Variants in JAZF1 observed in about 807,000 individuals in gnomAD.
JAZF1 encodes the protein JAZF zinc finger 1, also known as juxtaposed with another zinc finger protein 1.
JAZF1 carries 8 observed loss-of-function variants against 26.4 expected under a neutral mutation model. The observed-to-expected ratio is 0.30, with a 90% CI of 0.18 to 0.55. JAZF1 has a LOEUF of 0.55. JAZF1 is among the 20% of genes least tolerant of loss of function. The pLI is 0.94. For missense variants in JAZF1, 199 were observed against 322.0 expected, an observed-to-expected ratio of 0.62 and a Z score of 2.92; for synonymous variants, 126 against 122.3, an observed-to-expected ratio of 1.03 and a Z score of -0.20.
intron 1 of JAZF1, among the ~76,000 whole-genome samples, chr7:28,001,297 A>G (rs978239438): frequency 1.3e-5 from 2 of 152,192 alleles, no homozygotes; most frequent in Non-Finnish European, 2.9e-5. Flanking sequence ...GGTTGCAGTC[A>G]GCCGAGAACG....
rs969426355 is a variant in JAZF1, at chr7:27,855,740, A to C, written c.386-14873T>G. Among the ~76,000 whole-genome samples, 9 of 152,284 alleles carry C rather than the reference A, an allele frequency of 5.9e-5. No homozygotes were observed. The South Asian group carries it at 1.0e-3, about 18-fold the overall frequency. ...TAATTAATAGCCTACCAACCAAAAG[A>C]AGCCCAGGACCAGATGGATTCACAG... is the stretch of plus-strand genomic sequence containing the variant. On this transcript the variant is annotated intron_variant, in intron 3 of 4. Transcript: ENST00000283928.
At chr7:27,891,907 CTT>C (rs1194837922) in intron 3 of JAZF1, among the ~76,000 whole-genome samples, 2 of 152,128 alleles carry the variant, frequency 1.3e-5, no homozygotes, top group African/African-American at 2.4e-5. Flanking sequence ...ATACTCGAAA[CTT>C]TAGGATAAAG....
intron 2 of JAZF1, among the ~76,000 whole-genome samples, chr7:27,924,669 A>C (rs1400185807): frequency 6.6e-6 from 1 of 152,270 alleles, no homozygotes; most frequent in East Asian, 1.9e-4. Flanking sequence ...CTGTAATTTG[A>C]AGCCAGCAAG....
At chr7:27,985,751 C>T (rs142520223) in intron 2 of JAZF1, among the ~76,000 whole-genome samples, 5,127 of 152,210 alleles carry the variant, frequency 0.034, 314 homozygotes, top group African/African-American at 0.12. Flanking sequence ...AAAGCTTATC[C>T]ACCACCATCA....
rs536794856 is a variant in JAZF1 at position 28,133,209 on chromosome 7, T to C, written c.115+47254A>G. 1.7e-4 allele frequency among the ~76,000 whole-genome samples: 26 copies of C among 152,372 alleles called. 1 individual carries two copies. The South Asian group carries it at 3.5e-3, about 21-fold the overall frequency. The stretch of plus-strand genomic sequence containing the variant: ...TAAGTGGACCAGACCACATCCATTA[T>C]GCACATTATGAATCAGATTTACTTT... On this transcript the variant is annotated intron_variant, in intron 1 of 4. Coordinates refer to ENST00000283928, the MANE Select transcript of JAZF1 (RefSeq NM_175061.4).
At chr7:28,167,781 T>C (rs1783391675) in intron 1 of JAZF1, among the ~76,000 whole-genome samples, 1 of 152,244 alleles carries the variant, frequency 6.6e-6, no homozygotes, top group African/African-American at 2.4e-5. Context: ...GAATTTGGTA[T>C]AAAAGAAAAA....
In JAZF1 at chr7:27,896,932, A is replaced by T. The variant is rs183727167; in HGVS notation, c.189-1516T>A. ...AAAAAGAAGAAAGGAATGTCAAGGC[A>T]AAAGAGAATTGTTTGCACCTGGTAG... On this transcript the variant is annotated intron_variant, in intron 2 of 4. Coordinates refer to ENST00000283928, the MANE Select transcript of JAZF1 (RefSeq NM_175061.4). Among the ~76,000 whole-genome samples the T allele has an allele frequency of 5.8e-4, 88 of 152,380 alleles. 1 individual carries two copies. The highest frequency in any genetic ancestry group is 1.9e-3 in the African/African-American group (81 of 41,596).
At chr7:27,861,227 A>T (rs1432705459) in intron 3 of JAZF1, among the ~76,000 whole-genome samples, 2 of 151,842 alleles carry the variant, frequency 1.3e-5, no homozygotes, top group African/African-American at 4.8e-5. Flanking sequence ...CTGTCCTTCC[A>T]CCTGCCATCC....
At chr7:28,177,068 T>C (rs1195474775) in intron 1 of JAZF1, among the ~76,000 whole-genome samples, 1 of 152,068 alleles carries the variant, frequency 6.6e-6, no homozygotes, top group South Asian at 2.1e-4. Context: ...GATAACAAAA[T>C]TGATGGAAAA....
At chr7:27,888,555 T>C (rs968996239) in intron 3 of JAZF1, among the ~76,000 whole-genome samples, 1 of 152,186 alleles carries the variant, frequency 6.6e-6, no homozygotes, top group African/African-American at 2.4e-5. Flanking sequence ...AAGTCTGTAT[T>C]GCAGAGAAAT....
At chr7:28,163,608 A>C (rs1783324097) in intron 1 of JAZF1, among the ~76,000 whole-genome samples, 1 of 152,208 alleles carries the variant, frequency 6.6e-6, no homozygotes, top group African/African-American at 2.4e-5. Context: ...TCCCTAACCA[A>C]ACAAGCAGGT....
At chr7:28,179,245 C>T (rs952525497) in intron 1 of JAZF1, among the ~76,000 whole-genome samples, 7 of 152,234 alleles carry the variant, frequency 4.6e-5, no homozygotes, top group African/African-American at 1.7e-4. Context: ...TGGCGTCGGT[C>T]ACACCTTCCG....
chr7:28,128,455 G>C (rs1782735117), intron 1 of JAZF1, among the ~76,000 whole-genome samples: 1 of 152,126 alleles, frequency 6.6e-6, no homozygotes, highest in South Asian at 2.1e-4. Context: ...CTGGGTGGCA[G>C]AGGTTGCAGT....
At chr7:28,121,186 G>GAAA (rs113018287) in intron 1 of JAZF1, among the ~76,000 whole-genome samples, 1 of 134,162 alleles carries the variant, frequency 7.5e-6, no homozygotes, top group Non-Finnish European at 1.6e-5. Context: ...AGACTGTCTC[G>GAAA]AAAAAAAAAG....
chr7:27,840,842 C>T lies in JAZF1; in HGVS notation c.411G>A (p.Val137=), dbSNP rs777973756. Residue 137 remains valine, a synonymous_variant, in exon 4 of 5, where the codon GTG becomes GTA. Coordinates refer to ENST00000283928, the MANE Select transcript of JAZF1 (RefSeq NM_175061.4). The surrounding 1 kb of genome is among the most constrained non-coding windows in gnomAD (Gnocchi z 5.1). ...PTGSEYDEEE[V]DYEESDSDES... ...CATCGCTGTCCGACTCCTCATAGTC[C>T]ACCTCCTCCTCGTCATACTCGCTGC... 6.2e-7 allele frequency: 1 copy of T among 1,614,116 alleles called. No individual in the cohort carries two copies. Among genetic ancestry groups the T allele is most frequent in the South Asian group, 1.1e-5 (1 of 91,072 alleles).
intron 1 of JAZF1, among the ~76,000 whole-genome samples, chr7:28,056,133 T>C (rs1783703393): frequency 1.3e-5 from 2 of 151,626 alleles, no homozygotes; most frequent in African/African-American, 4.9e-5. Flanking sequence ...CATAAATATC[T>C]AGTGAGTGAC....
intron 2 of JAZF1, among the ~76,000 whole-genome samples, chr7:27,957,873 C>T (rs537374642): frequency 3.3e-5 from 5 of 152,038 alleles, no homozygotes; most frequent in African/African-American, 1.2e-4. Flanking sequence ...TATTCCAGAC[C>T]TTGAGATAAA....
intron 3 of JAZF1, among the ~76,000 whole-genome samples, chr7:27,850,264 T>C (rs949017822): frequency 1.7e-4 from 26 of 152,340 alleles, no homozygotes; most frequent in Middle Eastern, 3.4e-3. Flanking sequence ...TCTAAATGAA[T>C]TGGCAACGAG....
intron 2 of JAZF1, among the ~76,000 whole-genome samples, chr7:27,913,216 AT>A (rs1004999619): frequency 2.0e-5 from 3 of 149,950 alleles, no homozygotes; most frequent in African/African-American, 7.3e-5. Flanking sequence ...ATTTATATAC[AT>A]TTTTTATATA....
Sources: gnomAD v4.1 joint callset for allele counts (sites outside exome capture counted in the v4.1 genomes callset) on GRCh38, gnomAD v4.1.1 for gene constraint, Gnocchi (gnomAD v3.1) non-coding constraint, MANE v1.5 for transcripts, NCBI Gene and HGNC (gene_info 2026-07-23, HGNC 2026-07-21) for gene names.